Variants in BRSK1 observed in about 807,000 individuals in gnomAD.
BRSK1 encodes the protein serine/threonine-protein kinase BRSK1.
A neutral mutation model predicts 86.2 loss-of-function variants in BRSK1; 17 were observed. That is an observed-to-expected ratio of 0.20 (90% CI 0.14 to 0.30). The LOEUF is 0.30. Among genes scored for constraint, BRSK1 ranks in the 10% least tolerant of loss-of-function variants. BRSK1 has a pLI of 1.00. For synonymous variants in BRSK1, 464 were observed against 440.1 expected (o/e 1.05, Z -0.68); for missense variants, 719 against 1,071.9 (o/e 0.67, Z 4.60).
At chr19:55,307,789 A>ACAC (rs1568989630) in intron 17 of BRSK1, among the ~76,000 whole-genome samples, 5 of 97,916 alleles carry the variant, frequency 5.1e-5, no homozygotes, top group Admixed American at 1.9e-4. Context: ...CACACACACA[A>ACAC]TTTAAAAAAA....
Position 55,302,697 on chromosome 19 carries a change from A to G in BRSK1, c.858A>G (p.Leu286=). 6.2e-7 allele frequency: 1 copy of G among 1,602,546 alleles called. No homozygotes were observed. Among genetic ancestry groups the G allele is most frequent in the Non-Finnish European group, 8.5e-7 (1 of 1,171,950 alleles). The change falls in exon 10 of 19, where the codon CTA becomes CTG. Residue 286 remains leucine, a splice_region_variant and synonymous_variant. Coordinates refer to ENST00000309383, the MANE Select transcript of BRSK1 (RefSeq NM_032430.2). The surrounding 1 kb of genome is among the most constrained non-coding windows in gnomAD (Gnocchi z 6.3). ...LEQIQKHPWY[L]GGKHEPDPCL... ...CAATAATGTTTCTCCACTTCCCCAG[A>G]GGCGGGAAACACGAGCCAGACCCGT...
chr19:55,300,819 C>T (rs533166987), intron 7 of BRSK1, among the ~76,000 whole-genome samples: 46 of 152,066 alleles, frequency 3.0e-4, no homozygotes, highest in African/African-American at 9.6e-4. Flanking sequence ...TCAGCCTGGG[C>T]GACAAGAGCG....
intron 1 of BRSK1, among the ~76,000 whole-genome samples, chr19:55,286,429 G>A (rs1052627040): frequency 4.0e-5 from 6 of 151,582 alleles, no homozygotes; most frequent in African/African-American, 1.5e-4. Flanking sequence ...GCCATGAAGA[G>A]AAGACCCAGG....
intron 17 of BRSK1, among the ~76,000 whole-genome samples, chr19:55,307,776 ACACACACACAC>A (rs1568989577): frequency 1.5e-5 from 2 of 136,172 alleles, no homozygotes; most frequent in African/African-American, 5.6e-5. Flanking sequence ...ACACACACAC[ACACACACACAC>A]AATTTAAAAA....
Position 55,302,044 on chromosome 19 carries a change from T to TC in BRSK1, c.826-92dup. ...CCCGGTGGGGTGGGCGGGGAGATGA[T>TC]CAGGGACCCCAAAACCACCCCAGTC... On this transcript the variant is annotated intron_variant, in intron 8 of 18. Transcript: ENST00000309383. The surrounding 1 kb of genome is among the most constrained non-coding windows in gnomAD (Gnocchi z 6.3). 2 of 1,432,722 alleles carry TC rather than the reference T, an allele frequency of 1.4e-6. No homozygotes were observed. The highest frequency in any genetic ancestry group is 2.0e-6 in the Non-Finnish European group (2 of 1,015,848). The allele number at this position is 1,432,722 out of a possible 1,614,324, so 88.8% of individuals were successfully genotyped here.
Position 55,303,181 on chromosome 19 carries a change from C to A in BRSK1, c.1029-130C>A, listed in dbSNP as rs2088597534. 3 of 730,798 alleles carry A rather than the reference C, an allele frequency of 4.1e-6. No homozygotes were observed. 45.3% of individuals were successfully genotyped at this position (730,798 alleles called of 1,614,324 possible). ...ATGTACCCTAAACCAGAGAAACTGACCATACTGATACCTAGAAAAAATGGA... is the reference window on the plus strand; with the variant it reads ...ATGTACCCTAAACCAGAGAAACTGAACATACTGATACCTAGAAAAAATGGA... On this transcript the variant is annotated intron_variant, in intron 10 of 18. Transcript: ENST00000309383. The surrounding 1 kb of genome is among the most constrained non-coding windows in gnomAD (Gnocchi z 5.1).
Position 55,287,611 on chromosome 19 carries a change from C to A in BRSK1, c.317+312C>A, listed in dbSNP as rs187227403. 6.6e-6 allele frequency among the ~76,000 whole-genome samples: 1 copy of A among 152,262 alleles called. No homozygotes were observed. Among genetic ancestry groups the A allele is most frequent in the Non-Finnish European group, 1.5e-5 (1 of 68,048 alleles). ...GACAAGCAGGGTGCCCTCGACCAGA[C>A]CCAATCTGCTATGGGCAGATGCCTC... On this transcript the variant is annotated intron_variant, in intron 3 of 18. Transcript: ENST00000309383. The surrounding 1 kb of genome is among the most constrained non-coding windows in gnomAD (Gnocchi z 5.3).
intron 1 of BRSK1, among the ~76,000 whole-genome samples, chr19:55,285,349 C>T (rs2088294738): frequency 6.6e-6 from 1 of 152,042 alleles, no homozygotes; most frequent in Non-Finnish European, 1.5e-5. Context: ...CTCCAGTCCC[C>T]ATAGGGGCAG....
Position 55,284,492 on chromosome 19 carries a change from T to TCCCCC in BRSK1, c.51_55dup (p.His19ProfsTer49), listed in dbSNP as rs2088278708. 9.0e-6 allele frequency: 7 copies of TCCCCC among 776,242 alleles called. No homozygotes were observed. Among genetic ancestry groups the TCCCCC allele is most frequent in the Non-Finnish European group, 1.3e-5 (7 of 546,152 alleles). The allele number at this position is 776,242 out of a possible 1,614,324, so 48.1% of individuals were successfully genotyped here. ...GGTGGGGGCTCTCCCGCCTACCACC[T>TCCCCC]CCCCCACCCCCACCCCCACCCACCC... On this transcript the variant is annotated frameshift_variant, in exon 1 of 19. Coordinates refer to ENST00000309383, the MANE Select transcript of BRSK1 (RefSeq NM_032430.2). LOFTEE classifies it high-confidence loss of function.
intron 4 of BRSK1, among the ~76,000 whole-genome samples, chr19:55,292,705 A>G (rs867462847): frequency 1.3e-5 from 2 of 151,824 alleles, no homozygotes; most frequent in South Asian, 4.2e-4. Flanking sequence ...GTGGTGGCAC[A>G]TGCCTATAAT....
intron 7 of BRSK1, among the ~76,000 whole-genome samples, chr19:55,295,264 AG>A (rs1326773690): frequency 6.6e-6 from 1 of 152,074 alleles, no homozygotes; most frequent in Non-Finnish European, 1.5e-5. Context: ...CTGGGATTAT[AG>A]GCTCTTGCCA....
At chr19:55,301,972 G>C in intron 8 of BRSK1, 165 bp from the exon 9 acceptor site, 1 of 909,650 alleles carries the variant, frequency 1.1e-6, no homozygotes. Context: ...TGCGCGGGGC[G>C]ATGCACTCAG....
Position 55,302,707 on chromosome 19 carries a change from C to A in BRSK1, c.868C>A (p.His290Asn). Residue 290 changes from histidine to asparagine, a missense_variant, in exon 10 of 19, where the codon CAC (histidine) becomes AAC (asparagine). Transcript: ENST00000309383. The surrounding 1 kb of genome is among the most constrained non-coding windows in gnomAD (Gnocchi z 6.3). ...QKHPWYLGGK[H>N]EPDPCLEPAP... ...TCTCCACTTCCCCAGAGGCGGGAAA[C>A]ACGAGCCAGACCCGTGCCTGGAGCC... The A allele has an allele frequency of 6.2e-7, 1 of 1,606,092 alleles. No homozygotes were observed.
chr19:55,296,629 G>A (rs781730470), intron 7 of BRSK1, among the ~76,000 whole-genome samples: 52 of 152,104 alleles, frequency 3.4e-4, no homozygotes, highest in Non-Finnish European at 6.2e-4. Flanking sequence ...GGCGGATCAC[G>A]AGGTCAGGAA....
Position 55,303,396 on chromosome 19 carries a change from C to T in BRSK1, c.1114C>T (p.Arg372Trp), listed in dbSNP as rs1441460108. ...CTGTGAGGACCAGGACCTGCCTCCC[C>T]GGAATGATGTTGGTGAGAAGGCAGG... ...PSCEDQDLPP[R>W]NDVDPPRKRV... is the part of the protein sequence containing the mutation. The change falls in exon 11 of 19, where the codon CGG becomes TGG. Residue 372 changes from arginine to tryptophan, a missense_variant. By Grantham distance (101) the Arg-to-Trp change is moderately radical. Coordinates refer to ENST00000309383, the MANE Select transcript of BRSK1 (RefSeq NM_032430.2). The surrounding 1 kb of genome is among the most constrained non-coding windows in gnomAD (Gnocchi z 5.1). 4.3e-6 allele frequency: 7 copies of T among 1,613,802 alleles called. No individual in the cohort carries two copies. Among genetic ancestry groups the T allele is most frequent in the Non-Finnish European group, 2.5e-6 (3 of 1,179,820 alleles).
At chr19:55,292,694 CGT>C (rs2088426111) in intron 4 of BRSK1, among the ~76,000 whole-genome samples, 1 of 151,694 alleles carries the variant, frequency 6.6e-6, no homozygotes, top group Non-Finnish European at 1.5e-5. Flanking sequence ...ATTAGCTGGG[CGT>C]GGTGGCACAT....
chr19:55,311,570 G>A (rs995453222), intron 18 of BRSK1, among the ~76,000 whole-genome samples: 1 of 152,198 alleles, frequency 6.6e-6, no homozygotes, highest in Admixed American at 6.5e-5. Flanking sequence ...GCACCGTCCT[G>A]GCAGGCTGTT....
At chr19:55,292,833 CAA>C (rs71181750) in intron 4 of BRSK1, among the ~76,000 whole-genome samples, 99 of 132,804 alleles carry the variant, frequency 7.5e-4, no homozygotes, top group Non-Finnish European at 7.0e-4. Flanking sequence ...GACTCTGTCT[CAA>C]AAAAAAAAAA....
At chr19:55,305,266 G>C in intron 14 of BRSK1, 55 bp from the exon 15 acceptor site, 1 of 1,605,328 alleles carries the variant, frequency 6.2e-7, no homozygotes, top group South Asian at 1.1e-5. Flanking sequence ...CCTGTGTGCT[G>C]GCAACTGGGA....
Sources: gnomAD v4.1 joint callset for allele counts (sites outside exome capture counted in the v4.1 genomes callset) on GRCh38, gnomAD v4.1.1 for gene constraint, Gnocchi (gnomAD v3.1) non-coding constraint, MANE v1.5 for transcripts, NCBI Gene and HGNC (gene_info 2026-07-23, HGNC 2026-07-21) for gene names.